SUMF1: variants seen among roughly 807,000 people sequenced by gnomAD.
SUMF1 encodes the protein sulfatase modifying factor 1, also known as formylglycine-generating enzyme.
Under a neutral mutation model 47.6 loss-of-function variants are expected in SUMF1, and 48 were observed. The observed-to-expected ratio is 1.01, with a 90% confidence interval of 0.80 to 1.28. The LOEUF is 1.28. Ranked by LOEUF, SUMF1 falls within the 50% of genes most tolerant of loss-of-function variation. SUMF1 has a pLI of 0.00. For missense variants in SUMF1, 571 were observed against 485.4 expected, an observed-to-expected ratio of 1.18 and a Z score of -1.66; for synonymous variants, 230 against 192.1, an observed-to-expected ratio of 1.20 and a Z score of -1.63.
At chr3:4,370,149 C>G (rs1347408532) in intron 8 of SUMF1, among the ~76,000 whole-genome samples, 1 of 152,036 alleles carries the variant, frequency 6.6e-6, no homozygotes, top group East Asian at 1.9e-4. Context: ...GGGTGGTGGT[C>G]TGGAAAGGCC....
chr3:4,434,295 A>T, intron 3 of SUMF1, among the ~76,000 whole-genome samples: 1 of 152,264 alleles, frequency 6.6e-6, no homozygotes, highest in East Asian at 1.9e-4. Context: ...AGTGTACCAT[A>T]CACACACATA....
intron 5 of SUMF1, 105 bp from the exon 6 acceptor site, chr3:4,417,347 G>C (rs575054166): frequency 1.2e-6 from 1 of 814,678 alleles, no homozygotes; most frequent in African/African-American, 1.7e-5. Flanking sequence ...TGCTTGTTCT[G>C]AGTGAGCCAG....
At chr3:4,184,172 G>A (rs1284646957) in intron 8 of SUMF1, among the ~76,000 whole-genome samples, 1 of 150,602 alleles carries the variant, frequency 6.6e-6, no homozygotes, top group African/African-American at 2.4e-5. Flanking sequence ...AAAGGCAAAA[G>A]AGCCCAAGTG....
intron 8 of SUMF1, among the ~76,000 whole-genome samples, chr3:4,152,464 T>C (rs1273973764): frequency 6.6e-6 from 1 of 150,598 alleles, no homozygotes; most frequent in Non-Finnish European, 1.5e-5. Context: ...TGCTTTTTTT[T>C]TTTCTTTTTC....
intron 3 of SUMF1, among the ~76,000 whole-genome samples, chr3:4,446,938 C>T (rs1428891229): frequency 6.6e-6 from 1 of 152,148 alleles, no homozygotes; most frequent in Non-Finnish European, 1.5e-5. Context: ...TTTGCATGTA[C>T]ACCTGGGTAA....
At chr3:4,170,967 A>G (rs1231323778) in intron 8 of SUMF1, among the ~76,000 whole-genome samples, 2 of 152,220 alleles carry the variant, frequency 1.3e-5, no homozygotes, top group Non-Finnish European at 2.9e-5. Flanking sequence ...AGTTTGAAGA[A>G]GGTGGCAATG....
chr3:4,125,849 G>C (rs1195570572), intron 8 of SUMF1, among the ~76,000 whole-genome samples: 1 of 152,014 alleles, frequency 6.6e-6, no homozygotes, highest in Non-Finnish European at 1.5e-5. Context: ...GCTAGTTTTT[G>C]TATTTTTCAT....
rs1431737808 is a variant in SUMF1 at position 4,420,140 on chromosome 3, C to A, written c.526G>T (p.Ala176Ser). The A allele has an allele frequency of 1.9e-6, 3 of 1,613,904 alleles. No homozygotes were observed. The highest frequency in any genetic ancestry group is 1.3e-5 in the African/African-American group (1 of 74,902). ...TTCACAGGTAACCACCAGGGAGCAG[C>A]TGCAACCTCAAAGCAACCCAGAACA... The part of the protein sequence containing the change: ...VKTNIQQAVA[A>S]APWWLPVKGA... The change falls in exon 4 of 9, where the codon GCT becomes TCT. Residue 176 changes from alanine to serine, a missense_variant. Physicochemically the swap from Ala to Ser is moderately conservative, Grantham distance 99. Coordinates refer to ENST00000272902, the MANE Select transcript of SUMF1 (RefSeq NM_182760.4).
chr3:4,131,656 G>A (rs1181437714), intron 8 of SUMF1, among the ~76,000 whole-genome samples: 1 of 152,176 alleles, frequency 6.6e-6, no homozygotes, highest in African/African-American at 2.4e-5. Flanking sequence ...GGACTTGGAA[G>A]AAACATGATT....
intron 8 of SUMF1, among the ~76,000 whole-genome samples, chr3:4,228,948 G>A (rs918420264): frequency 5.9e-5 from 9 of 152,108 alleles, no homozygotes; most frequent in Non-Finnish European, 1.0e-4. Context: ...ACTAAGGGTG[G>A]CTAGAAGGTA....
chr3:4,389,332 GTT>G (rs58961505), intron 7 of SUMF1, among the ~76,000 whole-genome samples: 2,124 of 139,904 alleles, frequency 0.015, 56 homozygotes, highest in African/African-American at 0.052. Flanking sequence ...CATTCAAATT[GTT>G]TTTTTTTTTT....
intron 8 of SUMF1, among the ~76,000 whole-genome samples, chr3:4,236,715 G>C (rs1484172963): frequency 6.6e-6 from 1 of 152,118 alleles, no homozygotes; most frequent in Non-Finnish European, 1.5e-5. Context: ...TGCTAGAGCA[G>C]TATGTTTGTA....
At position 4,467,140 on chromosome 3, in the gene SUMF1, C is replaced by T; in HGVS notation, c.106G>A (p.Glu36Lys). Residue 36 changes from glutamate to lysine, a missense_variant, in exon 1 of 9, where the codon GAG (glutamate) becomes AAG (lysine). Glu to Lys is a moderately conservative substitution (Grantham distance 56, BLOSUM62 1). Coordinates refer to ENST00000272902, the MANE Select transcript of SUMF1 (RefSeq NM_182760.4). Reference protein sequence around the residue: ...SLLCGAAGSQEAGTGAGAGSL... With the variant: ...SLLCGAAGSQKAGTGAGAGSL... The stretch of plus-strand genomic sequence containing the variant: ...CCCGCGCCCGCACCGGTCCCGGCCT[C>T]CTGGCTCCCTGCCGCTCCACACAGC... 1.3e-6 allele frequency: 2 copies of T among 1,574,832 alleles called. No homozygotes were observed. Among genetic ancestry groups the T allele is most frequent in the Non-Finnish European group, 1.7e-6 (2 of 1,161,706 alleles).
rs138671498 is a variant in SUMF1, at chr3:4,080,669, T to C, written c.1015-11924A>G. Among the ~76,000 whole-genome samples, 484 of 152,240 alleles carry C rather than the reference T, an allele frequency of 3.2e-3. 6 individuals are homozygous for C. Among genetic ancestry groups the C allele is most frequent in the African/African-American group, 0.011 (458 of 41,494 alleles). On this transcript the variant is annotated intron_variant and NMD_transcript_variant, in intron 8 of 12. Coordinates refer to the SUMF1 transcript ENST00000448413. ...TAATCACACAGACATACATGTAATA[T>C]ACGTTACCTTTATAGCAGGAACCAA... is the stretch of plus-strand genomic sequence containing the variant.
At chr3:4,233,955 T>A (rs984417918) in intron 8 of SUMF1, among the ~76,000 whole-genome samples, 1 of 148,294 alleles carries the variant, frequency 6.7e-6, no homozygotes, top group Non-Finnish European at 1.5e-5. Flanking sequence ...ACTTACCTAA[T>A]TAGCAATTAA....
chr3:4,262,736 A>G (rs752008195), intron 8 of SUMF1, among the ~76,000 whole-genome samples: 4 of 152,184 alleles, frequency 2.6e-5, no homozygotes, highest in Non-Finnish European at 5.9e-5. Flanking sequence ...GGCTGACCAC[A>G]TGCCCTAAAC....
rs544084861 is a variant in SUMF1 at position 4,230,612 on chromosome 3, T to C, written c.1014+145718A>G. 2.6e-5 allele frequency among the ~76,000 whole-genome samples: 4 copies of C among 152,202 alleles called. No homozygotes were observed. In the South Asian group the frequency reaches 8.3e-4, roughly 32 times the overall value. ...TCAACATGTTCACCAAACTGGAAGT[T>C]CTCCAGAGGATTCATAACCTAGGTA... is the stretch of plus-strand genomic sequence containing the variant. On this transcript the variant is annotated intron_variant and NMD_transcript_variant, in intron 8 of 12. Coordinates refer to the SUMF1 transcript ENST00000448413.
intron 8 of SUMF1, among the ~76,000 whole-genome samples, chr3:4,230,552 C>T (rs998623854): frequency 5.3e-5 from 8 of 152,092 alleles, no homozygotes; most frequent in South Asian, 2.1e-4. Flanking sequence ...GTGGAGCTTC[C>T]GTGCCCTCTC....
At chr3:4,169,341 G>C (rs1694779842) in intron 8 of SUMF1, among the ~76,000 whole-genome samples, 1 of 152,164 alleles carries the variant, frequency 6.6e-6, no homozygotes, top group South Asian at 2.1e-4. Context: ...GAGGTCATTA[G>C]AGTGGCTCCT....
Sources: gnomAD v4.1 joint callset for allele counts (sites outside exome capture counted in the v4.1 genomes callset) on GRCh38, gnomAD v4.1.1 for gene constraint, MANE v1.5 for transcripts, NCBI Gene and HGNC (gene_info 2026-07-23, HGNC 2026-07-21) for gene names.